KCNH8: variants seen among roughly 807,000 people sequenced by gnomAD.
KCNH8 encodes the protein voltage-gated delayed rectifier potassium channel KCNH8.
A neutral mutation model predicts 103.6 loss-of-function variants in KCNH8; 70 were observed. The observed-to-expected ratio is 0.68, with a 90% CI of 0.56 to 0.82. KCNH8 has a LOEUF of 0.82. Among genes scored for constraint, KCNH8 ranks in the 40% least tolerant of loss-of-function variants. KCNH8 has a pLI of 0.00. For synonymous variants in KCNH8, 498 were observed against 489.4 expected (o/e 1.02, Z -0.23); for missense variants, 1,217 against 1,329.9 (o/e 0.92, Z 1.32).
intron 3 of KCNH8, among the ~76,000 whole-genome samples, chr3:19,292,810 G>T (rs950737856): frequency 1.3e-5 from 2 of 152,168 alleles, no homozygotes; most frequent in Admixed American, 6.6e-5. Context: ...AAGGACAAAA[G>T]CCAAGGGCCT....
intron 3 of KCNH8, among the ~76,000 whole-genome samples, chr3:19,308,325 C>T (rs183006585): frequency 8.1e-4 from 122 of 151,532 alleles, no homozygotes; most frequent in African/African-American, 2.7e-3. Context: ...ATTCATATGG[C>T]CTACTATCAG....
chr3:19,482,145 G>A (rs1483879169), intron 11 of KCNH8, among the ~76,000 whole-genome samples: 3 of 151,928 alleles, frequency 2.0e-5, no homozygotes, highest in African/African-American at 7.3e-5. Flanking sequence ...CACCTGCACC[G>A]GTAATTAGAA....
At chr3:19,273,758 C>T (rs1031139465) in intron 2 of KCNH8, among the ~76,000 whole-genome samples, 13 of 152,170 alleles carry the variant, frequency 8.5e-5, no homozygotes, top group Non-Finnish European at 1.5e-5. Flanking sequence ...CTCTTTGTCT[C>T]AACCTGGGAC....
At chr3:19,495,872 C>T (rs955110209) in intron 11 of KCNH8, among the ~76,000 whole-genome samples, 2 of 152,062 alleles carry the variant, frequency 1.3e-5, no homozygotes, top group Non-Finnish European at 2.9e-5. Context: ...TCTATGATTT[C>T]CTTGAGCGGT....
chr3:19,530,361 T>C (rs1218197425), intron 15 of KCNH8, among the ~76,000 whole-genome samples: 2 of 152,192 alleles, frequency 1.3e-5, no homozygotes, highest in African/African-American at 4.8e-5. Flanking sequence ...CTAATTATCC[T>C]GATTTGATCA....
chr3:19,515,851 AGAT>A (rs2068865461), intron 14 of KCNH8, among the ~76,000 whole-genome samples: 2 of 152,110 alleles, frequency 1.3e-5, no homozygotes, highest in Admixed American at 6.6e-5. Flanking sequence ...GAAGTTTTCC[AGAT>A]GATAAATAAC....
intron 7 of KCNH8, among the ~76,000 whole-genome samples, chr3:19,405,644 A>G (rs1454517423): frequency 1.3e-5 from 2 of 151,936 alleles, no homozygotes; most frequent in African/African-American, 4.8e-5. Flanking sequence ...AGAACTTTAT[A>G]TTGTGGTTCT....
intron 1 of KCNH8, among the ~76,000 whole-genome samples, chr3:19,190,064 C>T (rs949093339): frequency 1.3e-5 from 2 of 151,824 alleles, no homozygotes; most frequent in Middle Eastern, 3.2e-3. Context: ...GACAAAATAC[C>T]TTTGCTTGCT....
intron 3 of KCNH8, among the ~76,000 whole-genome samples, chr3:19,290,416 G>A (rs565778374): frequency 4.3e-4 from 65 of 152,188 alleles, no homozygotes; most frequent in African/African-American, 1.5e-3. Flanking sequence ...TTGAGATAAC[G>A]TCCCATCAAT....
chr3:19,481,164 A>C (rs914243472), intron 11 of KCNH8, among the ~76,000 whole-genome samples: 6 of 151,972 alleles, frequency 3.9e-5, no homozygotes, highest in Non-Finnish European at 8.8e-5. Flanking sequence ...GACTTCATTG[A>C]TTTTGTTGTT....
At chr3:19,309,097 T>G (rs1413798923) in intron 3 of KCNH8, among the ~76,000 whole-genome samples, 2 of 151,786 alleles carry the variant, frequency 1.3e-5, no homozygotes, top group Non-Finnish European at 2.9e-5. Context: ...TTCTGGTATT[T>G]TTCTTTTTGT....
chr3:19,296,440 G>A (rs2064997639), intron 3 of KCNH8, among the ~76,000 whole-genome samples: 1 of 152,214 alleles, frequency 6.6e-6, no homozygotes, highest in African/African-American at 2.4e-5. Context: ...GAAAACTTCA[G>A]AACTTACAAA....
intron 11 of KCNH8, among the ~76,000 whole-genome samples, chr3:19,498,513 G>A (rs561972729): frequency 2.6e-5 from 4 of 152,192 alleles, no homozygotes; most frequent in African/African-American, 7.2e-5. Flanking sequence ...AGCTTAGTTT[G>A]GCTGGATATA....
At chr3:19,405,444 A>C (rs1242843909) in intron 7 of KCNH8, among the ~76,000 whole-genome samples, 1 of 151,818 alleles carries the variant, frequency 6.6e-6, no homozygotes, top group East Asian at 1.9e-4. Flanking sequence ...CATACTAATA[A>C]ATTTCTCCCT....
chr3:19,505,509 C>T (rs567777601), intron 11 of KCNH8, among the ~76,000 whole-genome samples: 9 of 152,010 alleles, frequency 5.9e-5, no homozygotes, highest in Non-Finnish European at 1.3e-4. Context: ...CCTGGCTTGT[C>T]GAGTTTCTAC....
At chr3:19,433,796 C>T (rs1405586716) in intron 7 of KCNH8, among the ~76,000 whole-genome samples, 1 of 152,132 alleles carries the variant, frequency 6.6e-6, no homozygotes, top group African/African-American at 2.4e-5. Context: ...TTACTGATGC[C>T]TTCTGAGTAA....
intron 10 of KCNH8, among the ~76,000 whole-genome samples, chr3:19,456,472 C>T (rs2125188443): frequency 6.6e-6 from 1 of 152,030 alleles, no homozygotes; most frequent in East Asian, 1.9e-4. Flanking sequence ...GAAGTAGAGG[C>T]CATTTGTCAT....
rs1308710702 is a variant in KCNH8 at position 19,438,244 on chromosome 3, G to T, written c.1258G>T (p.Ala420Ser). 5.0e-6 allele frequency: 8 copies of T among 1,614,106 alleles called. No individual in the cohort carries two copies. The highest frequency in any genetic ancestry group is 6.8e-6 in the Non-Finnish European group (8 of 1,180,014). ...NTLGGPSIRS[A>S]YIAALYFTLS... is the part of the protein sequence containing the mutation. Reference sequence around the variant, plus strand: ...CTTGGGGGGCCCGTCGATCCGAAGTGCCTATATTGCCGCTCTGTACTTCAC... The same window carrying T: ...CTTGGGGGGCCCGTCGATCCGAAGTTCCTATATTGCCGCTCTGTACTTCAC... Residue 420 changes from alanine (A) to serine (S), a missense_variant, in exon 8 of 16, where the codon GCC (alanine) becomes TCC (serine). Around this residue, in one of 3 missense-constraint regions of KCNH8, gnomAD observed 415 missense variants for 577.4 expected, o/e 0.72. Coordinates refer to ENST00000328405, the MANE Select transcript of KCNH8 (RefSeq NM_144633.3).
chr3:19,530,419 T>A (rs538513215), intron 15 of KCNH8, among the ~76,000 whole-genome samples: 2 of 152,246 alleles, frequency 1.3e-5, no homozygotes, highest in East Asian at 3.9e-4. Context: ...CCTATAAATA[T>A]GTATAATTAT....
Sources: allele counts gnomAD v4.1 joint callset (sites outside exome capture counted in the v4.1 genomes callset), GRCh38; gene constraint gnomAD v4.1.1; regional missense constraint gnomAD v4.1.1; transcripts MANE v1.5; gene names NCBI Gene and HGNC (gene_info 2026-07-23, HGNC 2026-07-21).